The following FRMD4B variants were observed in gnomAD, a reference collection of about 807,000 sequenced individuals.
The protein encoded by FRMD4B is FERM domain containing 4B.
Under a neutral mutation model 141.5 loss-of-function variants are expected in FRMD4B, and 74 were observed. The ratio of observed to expected loss-of-function variants is 0.52; its 90% CI spans 0.43 to 0.63. The LOEUF (loss-of-function observed/expected upper bound fraction) is 0.63. Ranked by LOEUF, FRMD4B falls within the 30% of genes least tolerant of loss-of-function variation. The pLI is 0.00. For missense variants in FRMD4B, 1,366 were observed against 1,253.4 expected (o/e 1.09, Z -1.36); for synonymous variants, 506 against 467.9 (o/e 1.08, Z -1.05).
At chr3:69,443,091 G>T (rs1705364123) in intron 1 of FRMD4B, among the ~76,000 whole-genome samples, 2 of 152,144 alleles carry the variant, frequency 1.3e-5, no homozygotes, top group Admixed American at 6.5e-5. Flanking sequence ...TCAGGGTGGG[G>T]GCTGGTTGCC....
chr3:69,282,098 G>C (rs983578153), intron 5 of FRMD4B, among the ~76,000 whole-genome samples: 4 of 152,144 alleles, frequency 2.6e-5, no homozygotes, highest in Non-Finnish European at 4.4e-5. Context: ...GCTGTGCAGA[G>C]CTTCAGCAAC....
intron 7 of FRMD4B, among the ~76,000 whole-genome samples, chr3:69,236,739 G>C (rs2093347902): frequency 6.6e-6 from 1 of 152,294 alleles, no homozygotes; most frequent in African/African-American, 2.4e-5. Context: ...TACCCTGGAT[G>C]AGTTATCTCT....
intron 1 of FRMD4B, among the ~76,000 whole-genome samples, chr3:69,360,022 G>A (rs955560823): frequency 2.6e-5 from 4 of 152,172 alleles, no homozygotes; most frequent in African/African-American, 4.8e-5. Flanking sequence ...AAGGTGGAAT[G>A]CATCCAGGGG....
chr3:69,531,036 C>T (rs1471114822), intron 1 of FRMD4B, among the ~76,000 whole-genome samples: 1 of 152,172 alleles, frequency 6.6e-6, no homozygotes, highest in Non-Finnish European at 1.5e-5. Flanking sequence ...GTTAGAGAGA[C>T]ATGGATGCAA....
chr3:69,196,869 T>C (rs1168641820), intron 13 of FRMD4B, 31 bp downstream of exon 13: 2 of 1,543,354 alleles, frequency 1.3e-6, no homozygotes, highest in Non-Finnish European at 1.8e-6. Flanking sequence ...AAGGGGAATC[T>C]GTCCCTATAG....
intron 1 of FRMD4B, among the ~76,000 whole-genome samples, chr3:69,485,894 A>G (rs886840593): frequency 6.6e-6 from 1 of 152,224 alleles, no homozygotes; most frequent in African/African-American, 2.4e-5. Context: ...CAGCAGCCAC[A>G]CCAGAAGGCC....
chr3:69,508,919 A>G (rs1706642312), intron 1 of FRMD4B, among the ~76,000 whole-genome samples: 1 of 152,228 alleles, frequency 6.6e-6, no homozygotes, highest in African/African-American at 2.4e-5. Flanking sequence ...TCTCAAGACC[A>G]CACAGCTAGA....
At position 69,517,080 on chromosome 3, in the gene FRMD4B, T is replaced by A. The variant is rs564473239; in HGVS notation, c.-129+25126A>T. ...ACATGAGGCCTTTGAAAGGGCAGTA[T>A]CTTAAGGATGAGATTTAATGGTCAG... On this transcript the variant is annotated intron_variant, in intron 1 of 5. Transcript: ENST00000459638. 3.3e-5 allele frequency among the ~76,000 whole-genome samples: 5 copies of A among 152,274 alleles called. No homozygotes were observed. In the East Asian group the frequency reaches 9.7e-4, roughly 29 times the overall value.
intron 2 of FRMD4B, among the ~76,000 whole-genome samples, chr3:69,417,234 G>A (rs1414654775): frequency 6.6e-6 from 1 of 152,050 alleles, no homozygotes. Context: ...ACTTTTTAAC[G>A]ATCACCATTC....
chr3:69,398,902 C>T (rs959614056), intron 2 of FRMD4B, among the ~76,000 whole-genome samples: 1 of 152,054 alleles, frequency 6.6e-6, no homozygotes, highest in African/African-American at 2.4e-5. Context: ...ATACTGCATA[C>T]TGTAACATAT....
intron 1 of FRMD4B, among the ~76,000 whole-genome samples, chr3:69,363,649 A>G (rs564240014): frequency 2.6e-5 from 4 of 152,082 alleles, no homozygotes; most frequent in Non-Finnish European, 5.9e-5. Context: ...TTGGCCTCCC[A>G]AAGTGCTAGG....
intron 1 of FRMD4B, among the ~76,000 whole-genome samples, chr3:69,510,866 C>G (rs1395878189): frequency 1.3e-5 from 2 of 152,242 alleles, no homozygotes; most frequent in Non-Finnish European, 2.9e-5. Flanking sequence ...AACATTCTGA[C>G]ACTTCCTCTC....
chr3:69,217,267 A>G (rs2093149986), intron 10 of FRMD4B, among the ~76,000 whole-genome samples: 1 of 152,200 alleles, frequency 6.6e-6, no homozygotes, highest in Non-Finnish European at 1.5e-5. Flanking sequence ...CTGACACAGG[A>G]AAAGGAAAAT....
At chr3:69,349,511 G>A (rs1173339066) in intron 1 of FRMD4B, among the ~76,000 whole-genome samples, 4 of 152,168 alleles carry the variant, frequency 2.6e-5, no homozygotes, top group Admixed American at 1.3e-4. Context: ...AGCCCGCATT[G>A]CCAAGTCAAT....
At chr3:69,345,450 G>C (rs922923815) in intron 1 of FRMD4B, among the ~76,000 whole-genome samples, 15 of 152,206 alleles carry the variant, frequency 9.9e-5, no homozygotes, top group Non-Finnish European at 2.2e-4. Flanking sequence ...AACCTCTACA[G>C]ACTTAAATGT....
chr3:69,510,466 T>C (rs1218816878), intron 1 of FRMD4B, among the ~76,000 whole-genome samples: 2 of 152,186 alleles, frequency 1.3e-5, no homozygotes, highest in Non-Finnish European at 1.5e-5. Context: ...AGTTTCCACT[T>C]GGGGAGAAAG....
chr3:69,181,534 T>C lies in FRMD4B; in HGVS notation c.2216A>G (p.Glu739Gly), dbSNP rs2092708272. The C allele has an allele frequency of 6.2e-7, 1 of 1,613,844 alleles. No individual in the cohort carries two copies. Among genetic ancestry groups the C allele is most frequent in the Non-Finnish European group, 8.5e-7 (1 of 1,179,866 alleles). The change falls in exon 21 of 23, where the codon GAG becomes GGG. Residue 739 changes from glutamate to glycine, a missense_variant. Physicochemically the swap from Glu to Gly is moderately conservative, Grantham distance 98. Coordinates refer to ENST00000398540, the MANE Select transcript of FRMD4B (RefSeq NM_015123.3). Reference protein sequence around the residue: ...GSSYTSQSSTEYYCVTPVTGP... With the variant: ...GSSYTSQSSTGYYCVTPVTGP... ...GGTAACTGGTGTCACACAGTAATAC[T>C]CTGTGCTTGATTGGCTTGTATAAGA... is the stretch of plus-strand genomic sequence containing the variant.
chr3:69,301,141 A>G (rs1445812476), intron 4 of FRMD4B, among the ~76,000 whole-genome samples: 1 of 152,194 alleles, frequency 6.6e-6, no homozygotes, highest in Non-Finnish European at 1.5e-5. Context: ...CAAAGAAAAA[A>G]AATTTAATTC....
chr3:69,210,513 T>C (rs554453401), intron 11 of FRMD4B, among the ~76,000 whole-genome samples: 8 of 152,292 alleles, frequency 5.3e-5, no homozygotes, highest in African/African-American at 1.9e-4. Context: ...TTTCACATTC[T>C]CTAAGAGTTT....
Sources: allele counts gnomAD v4.1 joint callset (sites outside exome capture counted in the v4.1 genomes callset), GRCh38; gene constraint gnomAD v4.1.1; transcripts MANE v1.5; gene names NCBI Gene and HGNC (gene_info 2026-07-23, HGNC 2026-07-21).